RGS6: variants seen among roughly 807,000 people sequenced by gnomAD.
The protein encoded by RGS6 is regulator of G-protein signaling 6.
A neutral mutation model predicts 78.5 loss-of-function variants in RGS6; 30 were observed. The observed-to-expected ratio is 0.38, with a 90% CI of 0.29 to 0.52. RGS6 has a LOEUF of 0.52. Ranked by LOEUF, RGS6 falls within the 20% of genes least tolerant of loss-of-function variation. RGS6 has a pLI of 0.85. For missense variants in RGS6, 495 were observed against 609.7 expected, an observed-to-expected ratio of 0.81 and a Z score of 1.98; for synonymous variants, 206 against 206.0, an observed-to-expected ratio of 1.00 and a Z score of 0.00.
chr14:72,186,093 G>A (rs1384205323), intron 2 of RGS6, among the ~76,000 whole-genome samples: 2 of 152,232 alleles, frequency 1.3e-5, no homozygotes, highest in Non-Finnish European at 2.9e-5. Flanking sequence ...CTGGCGTGGA[G>A]GGTGTTGAAG....
chr14:72,283,517 A>G (rs113360221), intron 2 of RGS6, among the ~76,000 whole-genome samples: 4,006 of 152,220 alleles, frequency 0.026, 180 homozygotes, highest in African/African-American at 0.086. Flanking sequence ...TAGTTTTATA[A>G]GAGGTTTTCC....
chr14:72,095,320 C>T (rs1013065245), intron 2 of RGS6, among the ~76,000 whole-genome samples: 2 of 152,072 alleles, frequency 1.3e-5, no homozygotes, highest in Non-Finnish European at 2.9e-5. Flanking sequence ...CACAGATTGG[C>T]AATACTGTCA....
chr14:71,883,617 G>C, the RGS6 span, among the ~76,000 whole-genome samples: 1 of 152,172 alleles, frequency 6.6e-6, no homozygotes, highest in African/African-American at 2.4e-5. Context: ...CGCAGGATGA[G>C]AGAGGAGGTT....
the RGS6 span, among the ~76,000 whole-genome samples, chr14:71,921,679 G>C: frequency 8.5e-5 from 13 of 152,360 alleles, no homozygotes; most frequent in South Asian, 2.7e-3. Flanking sequence ...GAAGCAGAGA[G>C]AAGAATGGTG....
chr14:72,581,824 T>G, the RGS6 span, among the ~76,000 whole-genome samples: 1 of 152,254 alleles, frequency 6.6e-6, no homozygotes, highest in Admixed American at 6.5e-5. Flanking sequence ...GATAAGGGTC[T>G]GTCTTAGTCT....
At chr14:72,184,544 C>T (rs2097214576) in intron 2 of RGS6, among the ~76,000 whole-genome samples, 1 of 152,112 alleles carries the variant, frequency 6.6e-6, no homozygotes, top group African/African-American at 2.4e-5. Context: ...ATATTATACT[C>T]ATTATGTACA....
chr14:71,910,004 A>T, the RGS6 span, among the ~76,000 whole-genome samples: 45 of 152,244 alleles, frequency 3.0e-4, no homozygotes, highest in Middle Eastern at 3.4e-3. Flanking sequence ...CCTGGGCAAC[A>T]TGATGAAACA....
intron 2 of RGS6, among the ~76,000 whole-genome samples, chr14:72,118,383 G>T (rs555795144): frequency 6.6e-6 from 1 of 152,138 alleles, no homozygotes; most frequent in East Asian, 1.9e-4. Context: ...CCTTCATAAG[G>T]TTTTACTCTT....
the RGS6 span, among the ~76,000 whole-genome samples, chr14:71,895,558 G>A: frequency 6.6e-6 from 1 of 152,214 alleles, no homozygotes. Flanking sequence ...GTCAAAGGTT[G>A]TTAAGCAACT....
At chr14:72,014,166 C>T (rs777882716) in intron 2 of RGS6, among the ~76,000 whole-genome samples, 2 of 152,188 alleles carry the variant, frequency 1.3e-5, no homozygotes, top group Non-Finnish European at 2.9e-5. Flanking sequence ...CTGGCCCCAA[C>T]GTCCACTCCT....
chr14:72,465,553 G>T (rs1469974136), intron 6 of RGS6, among the ~76,000 whole-genome samples: 15 of 91,226 alleles, frequency 1.6e-4, no homozygotes, highest in African/African-American at 6.2e-4. Flanking sequence ...GGGCTGTCTG[G>T]ATGGATGGAT....
chr14:72,431,851 TG>T (rs1466678970), intron 3 of RGS6, among the ~76,000 whole-genome samples: 1 of 152,174 alleles, frequency 6.6e-6, no homozygotes, highest in Non-Finnish European at 1.5e-5. Context: ...CTTATTCCAG[TG>T]ATAGTCCAGG....
At chr14:72,238,192 G>A (rs368406011) in intron 2 of RGS6, among the ~76,000 whole-genome samples, 28 of 152,058 alleles carry the variant, frequency 1.8e-4, no homozygotes, top group Middle Eastern at 3.2e-3. Context: ...TTATAGTTTC[G>A]GACACTCAGT....
chr14:72,045,444 G>A (rs2153392495), intron 2 of RGS6, among the ~76,000 whole-genome samples: 1 of 152,238 alleles, frequency 6.6e-6, no homozygotes, highest in Admixed American at 6.5e-5. Context: ...GGTGCCAGAG[G>A]CTTCAAATTC....
chr14:72,336,732 A>G (rs2076094977), intron 2 of RGS6, among the ~76,000 whole-genome samples: 1 of 152,160 alleles, frequency 6.6e-6, no homozygotes, highest in South Asian at 2.1e-4. Flanking sequence ...TGGGCTAAGT[A>G]ACAGACAATT....
At chr14:72,547,080 G>T in intron 17 of RGS6, 3 of 1,179,252 alleles carry the variant, frequency 2.5e-6, no homozygotes, top group Non-Finnish European at 3.6e-6. Context: ...GAGAGTGAAG[G>T]GGAGTGCAGG....
At chr14:72,089,449 G>A (rs2095184102) in intron 2 of RGS6, among the ~76,000 whole-genome samples, 1 of 152,176 alleles carries the variant, frequency 6.6e-6, no homozygotes, top group Non-Finnish European at 1.5e-5. Context: ...TAACTTTCCT[G>A]TACATTGTGT....
chr14:72,369,140 C>T (rs777239910), intron 3 of RGS6, among the ~76,000 whole-genome samples: 7 of 152,200 alleles, frequency 4.6e-5, no homozygotes, highest in Non-Finnish European at 1.0e-4. Flanking sequence ...CCACATGTGG[C>T]CCATGGGCCA....
chr14:72,278,348 A>C (rs981952697), intron 2 of RGS6, among the ~76,000 whole-genome samples: 1 of 152,224 alleles, frequency 6.6e-6, no homozygotes, highest in Non-Finnish European at 1.5e-5. Context: ...TTGGGGAGGC[A>C]GATGAGAAGA....
Sources: allele counts gnomAD v4.1 joint callset (sites outside exome capture counted in the v4.1 genomes callset), GRCh38; gene constraint gnomAD v4.1.1; transcripts MANE v1.5; gene names NCBI Gene and HGNC (gene_info 2026-07-23, HGNC 2026-07-21).